Variants in CACNA2D2 observed in about 807,000 individuals in gnomAD.
CACNA2D2 encodes the protein calcium voltage-gated channel auxiliary subunit alpha2delta 2.
Under a neutral mutation model 166.4 loss-of-function variants are expected in CACNA2D2, and 48 were observed. The observed-to-expected ratio is 0.29, with a 90% CI of 0.23 to 0.37. The LOEUF (loss-of-function observed/expected upper bound fraction) is 0.37, where lower values mean the gene tolerates loss of function less well. Ranked by LOEUF, CACNA2D2 falls within the 10% of genes least tolerant of loss-of-function variation. The pLI is 1.00. For missense variants in CACNA2D2, 1,122 were observed against 1,433.0 expected (o/e 0.78, Z 3.50); for synonymous variants, 561 against 573.7 (o/e 0.98, Z 0.32).
intron 2 of CACNA2D2, among the ~76,000 whole-genome samples, chr3:50,443,855 T>C (rs1559954404): frequency 6.6e-6 from 1 of 152,040 alleles, no homozygotes; most frequent in Non-Finnish European, 1.5e-5. Flanking sequence ...GGAGCCAGGG[T>C]GGGCAGAGGC....
At chr3:50,415,221 A>AG (rs893240121) in intron 3 of CACNA2D2, among the ~76,000 whole-genome samples, 1 of 152,226 alleles carries the variant, frequency 6.6e-6, no homozygotes, top group African/African-American at 2.4e-5. Context: ...GAGCCCAGCC[A>AG]GGGCTGGCTC....
At chr3:50,377,342 C>A in intron 17 of CACNA2D2, 125 bp downstream of exon 17, 1 of 757,302 alleles carries the variant, frequency 1.3e-6, no homozygotes. Context: ...CCTGGGGAAG[C>A]CTTCCCCGAC....
chr3:50,478,647 G>A (rs529276065), intron 1 of CACNA2D2, among the ~76,000 whole-genome samples: 1 of 152,322 alleles, frequency 6.6e-6, no homozygotes, highest in Admixed American at 6.5e-5. Flanking sequence ...GGAAACTGAG[G>A]CATAGTGGGT....
intron 1 of CACNA2D2, among the ~76,000 whole-genome samples, chr3:50,490,853 G>C (rs1324964321): frequency 6.6e-6 from 1 of 152,204 alleles, no homozygotes; most frequent in East Asian, 1.9e-4. Context: ...GGAGGACAGG[G>C]GCTTGAAGCA....
At chr3:50,413,514 G>T (rs1025208085) in intron 3 of CACNA2D2, among the ~76,000 whole-genome samples, 1 of 152,064 alleles carries the variant, frequency 6.6e-6, no homozygotes, top group Non-Finnish European at 1.5e-5. Context: ...TGGGAGGGTG[G>T]GATGCTTCCC....
chr3:50,411,563 C>G (rs577040268), intron 3 of CACNA2D2, among the ~76,000 whole-genome samples: 2 of 152,242 alleles, frequency 1.3e-5, no homozygotes, highest in African/African-American at 2.4e-5. Context: ...CTAGTTTTCA[C>G]TTATGGGTAC....
chr3:50,427,166 C>A lies in CACNA2D2; in HGVS notation c.405+7147G>T, dbSNP rs1274602789. ...CAAGGAGCCCTCTCTGACTCCCATT[C>A]CTTGGTGGTCGCTCTGCCACCGCAT... On this transcript the variant is annotated intron_variant, in intron 3 of 37. Transcript: ENST00000424201. The surrounding 1 kb of genome is among the most constrained non-coding windows in gnomAD (Gnocchi z 4.7). Among the ~76,000 whole-genome samples the A allele has an allele frequency of 6.6e-6, 1 of 152,236 alleles. No individual in the cohort carries two copies. The highest frequency in any genetic ancestry group is 1.5e-5 in the Non-Finnish European group (1 of 68,040).
intron 1 of CACNA2D2, among the ~76,000 whole-genome samples, chr3:50,497,461 C>T (rs1271650717): frequency 6.6e-6 from 1 of 152,206 alleles, no homozygotes; most frequent in African/African-American, 2.4e-5. Context: ...TCTCCCCTCA[C>T]CAGGCTCAGT....
chr3:50,389,752 T>A (rs1490891439), intron 4 of CACNA2D2, among the ~76,000 whole-genome samples: 1 of 152,182 alleles, frequency 6.6e-6, no homozygotes, highest in East Asian at 1.9e-4. Context: ...CCCAGGAGGA[T>A]TCTTAGTCCC....
chr3:50,451,582 T>C (rs1035315150), intron 2 of CACNA2D2, among the ~76,000 whole-genome samples: 6 of 152,190 alleles, frequency 3.9e-5, no homozygotes, highest in African/African-American at 1.4e-4. Context: ...GCCCCTCCAC[T>C]ATTTTCATCC....
chr3:50,495,949 C>G (rs1698707125), intron 1 of CACNA2D2, among the ~76,000 whole-genome samples: 2 of 152,244 alleles, frequency 1.3e-5, no homozygotes, highest in South Asian at 4.1e-4. Flanking sequence ...ATTTGAATTA[C>G]AAGGACGCAG....
chr3:50,475,732 C>T (rs1408348981), intron 2 of CACNA2D2, among the ~76,000 whole-genome samples: 6 of 144,406 alleles, frequency 4.2e-5, no homozygotes, highest in East Asian at 3.9e-4. Context: ...TGGTATGGAC[C>T]GGCCATCCCG....
intron 1 of CACNA2D2, among the ~76,000 whole-genome samples, chr3:50,490,147 G>A (rs1045450529): frequency 2.0e-5 from 3 of 152,112 alleles, no homozygotes; most frequent in Non-Finnish European, 2.9e-5. Flanking sequence ...TGGAAGGAGC[G>A]GGGCAGACGG....
intron 5 of CACNA2D2, among the ~76,000 whole-genome samples, chr3:50,385,795 C>T (rs1380515525): frequency 1.3e-5 from 2 of 152,220 alleles, no homozygotes; most frequent in African/African-American, 4.8e-5. Flanking sequence ...AGGCGTGCGC[C>T]ACTCACGTTC....
chr3:50,496,787 G>A (rs114308322), intron 1 of CACNA2D2, among the ~76,000 whole-genome samples: 217 of 152,250 alleles, frequency 1.4e-3, no homozygotes, highest in African/African-American at 5.0e-3. Flanking sequence ...CACAGCTGTT[G>A]AGAGGTGTGG....
chr3:50,429,552 A>G (rs1231823453), intron 3 of CACNA2D2, among the ~76,000 whole-genome samples: 1 of 144,272 alleles, frequency 6.9e-6, no homozygotes, highest in African/African-American at 2.6e-5. Context: ...GGAGATCGAG[A>G]CCATCCTAAC....
At chr3:50,407,983 T>C (rs1706805376) in intron 3 of CACNA2D2, among the ~76,000 whole-genome samples, 2 of 152,172 alleles carry the variant, frequency 1.3e-5, no homozygotes. Context: ...GCGGTAGGTG[T>C]TTGTGCTTAT....
chr3:50,501,565 G>T (rs545222595), intron 1 of CACNA2D2, among the ~76,000 whole-genome samples: 2 of 152,146 alleles, frequency 1.3e-5, no homozygotes, highest in African/African-American at 2.4e-5. Context: ...TTCTCACATC[G>T]GCCTTCTAGA....
intron 3 of CACNA2D2, among the ~76,000 whole-genome samples, chr3:50,409,583 A>G (rs1706895640): frequency 6.6e-6 from 1 of 152,164 alleles, no homozygotes; most frequent in Non-Finnish European, 1.5e-5. Context: ...ATTAATCCCT[A>G]CAGCAGCCCC....
Sources: allele counts gnomAD v4.1 joint callset (sites outside exome capture counted in the v4.1 genomes callset), GRCh38; gene constraint gnomAD v4.1.1; non-coding constraint Gnocchi (gnomAD v3.1); transcripts MANE v1.5; gene names NCBI Gene and HGNC (gene_info 2026-07-23, HGNC 2026-07-21).